The following FNIP1 variants were observed in gnomAD, a reference collection of about 807,000 sequenced individuals.
The protein encoded by FNIP1 is folliculin interacting protein 1, also known as folliculin-interacting protein 1.
FNIP1 carries 40 observed loss-of-function variants against 124.5 expected under a neutral mutation model. That is an observed-to-expected ratio of 0.32 (90% CI 0.25 to 0.42). The LOEUF (loss-of-function observed/expected upper bound fraction) is 0.42, where lower values mean the gene tolerates loss of function less well. Ranked by LOEUF, FNIP1 falls within the 10% of genes least tolerant of loss-of-function variation. The pLI, the probability that FNIP1 is intolerant of heterozygous loss-of-function variation, is 1.00. For missense variants in FNIP1, 1,176 were observed against 1,403.7 expected (o/e 0.84, Z 2.59); for synonymous variants, 472 against 470.6 (o/e 1.00, Z -0.04).
chr5:131,762,196 G>T (rs1771253573), intron 1 of FNIP1, among the ~76,000 whole-genome samples: 1 of 152,052 alleles, frequency 6.6e-6, no homozygotes, highest in Non-Finnish European at 1.5e-5. Context: ...ATTGAACTAG[G>T]CAAAGATATT....
In FNIP1 at chr5:131,719,039, G is replaced by A; in HGVS notation, c.477C>T (p.Leu159=). ...CAGTCCGAGCAGTAAACACTTTGCT[G>A]AGCATGAGCTGTGGAGGGGAACTAT... ...HQIRSPPQLM[L]SKVFTARTGS... Residue 159 remains leucine (L), a synonymous_variant, in exon 5 of 18, where the codon CTC becomes CTT. Coordinates refer to ENST00000510461, the MANE Select transcript of FNIP1 (RefSeq NM_133372.3). The A allele has an allele frequency of 6.2e-7, 1 of 1,613,668 alleles. No individual in the cohort carries two copies. The highest frequency in any genetic ancestry group is 8.5e-7 in the Non-Finnish European group (1 of 1,179,702).
intron 2 of FNIP1, among the ~76,000 whole-genome samples, chr5:131,744,127 A>C (rs1770597885): frequency 6.6e-6 from 1 of 152,166 alleles, no homozygotes. Context: ...GCATTAATCA[A>C]AATTAAGAGT....
intron 6 of FNIP1, among the ~76,000 whole-genome samples, chr5:131,712,872 T>A (rs1769343026): frequency 1.3e-5 from 2 of 152,190 alleles, no homozygotes. Context: ...TGATGTCTAT[T>A]CTCCCCACTG....
At chr5:131,656,776 A>G (rs1767205816) in intron 15 of FNIP1, among the ~76,000 whole-genome samples, 1 of 152,168 alleles carries the variant, frequency 6.6e-6, no homozygotes, top group Non-Finnish European at 1.5e-5. Context: ...GATGCCACAA[A>G]GTACATTTAT....
intron 17 of FNIP1, among the ~76,000 whole-genome samples, chr5:131,646,420 T>C (rs1178852001): frequency 6.6e-6 from 1 of 152,364 alleles, no homozygotes; most frequent in South Asian, 2.1e-4. Flanking sequence ...AGGTTCTCAG[T>C]GATATTGGTT....
chr5:131,735,280 A>G (rs934516717), intron 2 of FNIP1, among the ~76,000 whole-genome samples: 1 of 152,038 alleles, frequency 6.6e-6, no homozygotes, highest in Admixed American at 6.6e-5. Flanking sequence ...GGACACACGA[A>G]GGGGAACATC....
chr5:131,764,962 C>A (rs1325390082), intron 1 of FNIP1, among the ~76,000 whole-genome samples: 2 of 152,038 alleles, frequency 1.3e-5, no homozygotes, highest in African/African-American at 2.4e-5. Context: ...GTGGCTCACA[C>A]CTGTAATTCC....
At chr5:131,645,699 A>G (rs1766860719) in intron 17 of FNIP1, among the ~76,000 whole-genome samples, 1 of 152,234 alleles carries the variant, frequency 6.6e-6, no homozygotes, top group African/African-American at 2.4e-5. Flanking sequence ...AATTTATCCT[A>G]CAAATGTCAG....
chr5:131,796,768 C>A lies in FNIP1; in HGVS notation c.92+62G>T, dbSNP rs1444893746. The stretch of plus-strand genomic sequence containing the variant: ...GGTCGGAACACCGAAGGCCCCAACA[C>A]CCCTGGAGCCCGGAGCCCACAAGGC... On this transcript the variant is annotated intron_variant, in intron 1 of 17. Transcript: ENST00000510461. The A allele has an allele frequency of 5.4e-6, 8 of 1,474,614 alleles. No homozygotes were observed. The East Asian group carries it at 2.0e-4, about 37-fold the overall frequency. 91.3% of individuals were successfully genotyped at this position (1,474,614 alleles called of 1,614,324 possible).
At chr5:131,731,802 T>C (rs773275376) in intron 2 of FNIP1, among the ~76,000 whole-genome samples, 17 of 152,186 alleles carry the variant, frequency 1.1e-4, no homozygotes, top group Non-Finnish European at 2.1e-4. Context: ...TACTTATTCA[T>C]TCATTTAAAT....
intron 1 of FNIP1, among the ~76,000 whole-genome samples, chr5:131,747,990 T>C (rs931166890): frequency 6.6e-6 from 1 of 151,932 alleles, no homozygotes; most frequent in Non-Finnish European, 1.5e-5. Context: ...GATAAAGATG[T>C]ACATGGGTGC....
At chr5:131,667,867 C>T (rs558512087) in intron 15 of FNIP1, among the ~76,000 whole-genome samples, 28 of 152,284 alleles carry the variant, frequency 1.8e-4, no homozygotes, top group African/African-American at 6.3e-4. Context: ...GGATTATAGG[C>T]GTGAGCCACC....
intron 1 of FNIP1, among the ~76,000 whole-genome samples, chr5:131,748,709 G>GAA (rs1189333248): frequency 2.0e-5 from 2 of 97,854 alleles, no homozygotes; most frequent in African/African-American, 3.7e-5. Flanking sequence ...AAAAAAAAAA[G>GAA]AAAAAAAAAA....
At chr5:131,789,573 C>A (rs926516719) in intron 1 of FNIP1, among the ~76,000 whole-genome samples, 4 of 152,130 alleles carry the variant, frequency 2.6e-5, no homozygotes, top group African/African-American at 9.7e-5. Flanking sequence ...TCACTTTTCC[C>A]CCCAAACATT....
Position 131,784,874 on chromosome 5 carries a change from A to C in FNIP1, c.92+11956T>G, listed in dbSNP as rs557701762. Among the ~76,000 whole-genome samples, 17 of 149,600 alleles carry C rather than the reference A, an allele frequency of 1.1e-4. No individual in the cohort carries two copies. The East Asian group carries it at 2.7e-3, about 24-fold the overall frequency. On this transcript the variant is annotated intron_variant, in intron 1 of 17. Coordinates refer to ENST00000510461, the MANE Select transcript of FNIP1 (RefSeq NM_133372.3). ...TTAAAGTAAATATTCAAAAAAAAAA[A>C]CAGCAAAAGTAATTGAAAAAGCAGT...
intron 15 of FNIP1, among the ~76,000 whole-genome samples, chr5:131,666,376 C>A (rs956562773): frequency 2.0e-5 from 3 of 152,082 alleles, no homozygotes; most frequent in Admixed American, 1.3e-4. Flanking sequence ...AACCCAATTA[C>A]TAAAACAGAG....
At chr5:131,759,684 G>A (rs911182157) in intron 1 of FNIP1, among the ~76,000 whole-genome samples, 19 of 152,164 alleles carry the variant, frequency 1.2e-4, no homozygotes, top group African/African-American at 4.3e-4. Context: ...GCAGTTTGGA[G>A]ATTTCTCAAA....
chr5:131,653,395 C>T (rs1405456689), intron 15 of FNIP1, among the ~76,000 whole-genome samples: 4 of 151,926 alleles, frequency 2.6e-5, no homozygotes, highest in Admixed American at 6.6e-5. Context: ...AAAAATTAGC[C>T]GGGCATGGTG....
chr5:131,649,698 T>A (rs1194585506), intron 16 of FNIP1, among the ~76,000 whole-genome samples: 1 of 152,202 alleles, frequency 6.6e-6, no homozygotes, highest in East Asian at 1.9e-4. Flanking sequence ...ATGCTTTTGG[T>A]TTCAAATTCA....
Sources: allele counts gnomAD v4.1 joint callset (sites outside exome capture counted in the v4.1 genomes callset), GRCh38; gene constraint gnomAD v4.1.1; transcripts MANE v1.5; gene names NCBI Gene and HGNC (gene_info 2026-07-23, HGNC 2026-07-21).